CASP8: variants seen among roughly 807,000 people sequenced by gnomAD.
The protein encoded by CASP8 is caspase 8.
Under a neutral mutation model 46.3 loss-of-function variants are expected in CASP8, and 24 were observed. The observed-to-expected ratio is 0.52, with a 90% confidence interval of 0.38 to 0.73. The LOEUF is 0.73. Ranked by LOEUF, CASP8 falls within the 30% of genes least tolerant of loss-of-function variation. CASP8 has a pLI of 0.00. For synonymous variants in CASP8, 188 were observed against 200.4 expected (o/e 0.94, Z 0.52); for missense variants, 460 against 559.0 (o/e 0.82, Z 1.79).
Position 201,285,193 on chromosome 2 carries a change from C to G in CASP8, c.1180C>G (p.Pro394Ala), listed in dbSNP as rs1178910931. Reference sequence around the variant, plus strand: ...ATCATCACCTCAAACGAGATATATCCCGGATGAGGCTGACTTTCTGCTGGG... The same window carrying G: ...ATCATCACCTCAAACGAGATATATCGCGGATGAGGCTGACTTTCTGCTGGG... ...DLSSPQTRYIPDEADFLLGMA... is the reference protein window; with the variant it reads ...DLSSPQTRYIADEADFLLGMA... Residue 394 changes from proline (P) to alanine (A), a missense_variant, in exon 8 of 9, where the codon CCG becomes GCG. Transcript: ENST00000673742. 1 of 1,614,138 alleles carries G rather than the reference C, an allele frequency of 6.2e-7. No homozygotes were observed. Among genetic ancestry groups the G allele is most frequent in the Admixed American group, 1.7e-5 (1 of 60,016 alleles).
chr2:201,276,556 C>T (rs929742723), intron 6 of CASP8, among the ~76,000 whole-genome samples: 1 of 152,182 alleles, frequency 6.6e-6, no homozygotes, highest in African/African-American at 2.4e-5. Context: ...GAAATGAGAA[C>T]AAACAATAAT....
chr2:201,276,487 G>A (rs1026190480), intron 6 of CASP8, among the ~76,000 whole-genome samples: 2 of 152,180 alleles, frequency 1.3e-5, no homozygotes, highest in Non-Finnish European at 2.9e-5. Context: ...TTAATACACC[G>A]TAGTCCCTGG....
chr2:201,274,762 C>T, intron 5 of CASP8, 127 bp from the exon 6 acceptor site: 2 of 776,808 alleles, frequency 2.6e-6, no homozygotes, highest in Admixed American at 2.2e-5. Context: ...CCGGCGTGAG[C>T]CCCTGTTCCC....
intron 2 of CASP8, among the ~76,000 whole-genome samples, chr2:201,253,293 C>CT (rs34341476): frequency 0.12 from 8,037 of 67,882 alleles, 1,690 homozygotes; most frequent in Admixed American, 0.19. Flanking sequence ...CTAGCCTGAT[C>CT]TTTTTTTTTT....
In CASP8 at chr2:201,287,152, T is replaced by A. The variant is rs1446788460; in HGVS notation, c.*558T>A. 1 of 161,704 alleles carries A rather than the reference T, an allele frequency of 6.2e-6. No homozygotes were observed. Among genetic ancestry groups the A allele is most frequent in the Non-Finnish European group, 1.4e-5 (1 of 72,308 alleles). The allele number at this position is 161,704 out of a possible 1,614,324, so 10.0% of individuals were successfully genotyped here. Reference sequence around the variant, plus strand: ...AATATAGAGGGCTTATGATTCAGATTGTTATCTATCAACTATAAGCCCACT... The same window carrying A: ...AATATAGAGGGCTTATGATTCAGATAGTTATCTATCAACTATAAGCCCACT... On this transcript the variant is annotated 3_prime_UTR_variant, in exon 9 of 9. Transcript: ENST00000673742.
At chr2:201,257,174 A>G (rs1947060087), upstream of CASP8, among the ~76,000 whole-genome samples, 1 of 149,478 alleles carries the variant, frequency 6.7e-6, no homozygotes, top group African/African-American at 2.5e-5. Context: ...TGGGAAAGAG[A>G]GGCAGATGGC....
At chr2:201,252,761 C>A (rs1257578856) in intron 2 of CASP8, among the ~76,000 whole-genome samples, 1 of 152,036 alleles carries the variant, frequency 6.6e-6, no homozygotes, top group African/African-American at 2.4e-5. Context: ...ATTTTATAAC[C>A]CACCTTCTAG....
At chr2:201,267,974 T>G (rs1401550182) in intron 2 of CASP8, among the ~76,000 whole-genome samples, 1 of 152,182 alleles carries the variant, frequency 6.6e-6, no homozygotes, top group Non-Finnish European at 1.5e-5. Context: ...TCACCCAGGC[T>G]AGAGTGCAGT....
intron 2 of CASP8, among the ~76,000 whole-genome samples, chr2:201,246,297 C>A (rs3820972): frequency 0.88 from 133,467 of 152,188 alleles, 58,808 homozygotes; most frequent in Non-Finnish European, 0.91. Context: ...CTGGGTCCCC[C>A]GCCAGTCTGC....
Position 201,238,921 on chromosome 2 carries a change from G to A in CASP8, c.-27+4809G>A, listed in dbSNP as rs572487591. The stretch of plus-strand genomic sequence containing the variant: ...TAGGCAGAGGACCCTGCGGCCTTCC[G>A]CAGTGTTTGTGTCCCTGGGTACTTG... On this transcript the variant is annotated intron_variant, in intron 2 of 6. Coordinates refer to the CASP8 transcript ENST00000264274. Among the ~76,000 whole-genome samples the A allele has an allele frequency of 8.4e-3, 1,278 of 152,048 alleles. 25 individuals carry two copies. Among genetic ancestry groups the A allele is most frequent in the African/African-American group, 0.03 (1,224 of 41,460 alleles).
upstream of CASP8, among the ~76,000 whole-genome samples, chr2:201,259,638 T>C (rs1947244393): frequency 6.6e-6 from 1 of 152,158 alleles, no homozygotes; most frequent in Non-Finnish European, 1.5e-5. Flanking sequence ...AGGTGTTTGA[T>C]TTTCTTTTCC....
At chr2:201,250,512 G>C (rs1946730813) in intron 2 of CASP8, among the ~76,000 whole-genome samples, 1 of 152,250 alleles carries the variant, frequency 6.6e-6, no homozygotes. Flanking sequence ...CATGTGGCTA[G>C]AGCAGGGGAA....
intron 2 of CASP8, chr2:201,241,060 A>G (rs1374434675): frequency 6.6e-6 from 1 of 152,246 alleles, no homozygotes; most frequent in Non-Finnish European, 1.5e-5. Context: ...ACTTTATTGC[A>G]ATACACATCT....
chr2:201,260,406 TAGAA>T (rs1947303695), upstream of CASP8: 1 of 334,560 alleles, frequency 3.0e-6, no homozygotes, highest in Non-Finnish European at 4.3e-6. Context: ...CCTGCAGCTT[TAGAA>T]GCTTTAGAAG....
At position 201,273,980 on chromosome 2, in the gene CASP8, A is replaced by G. The variant is rs35198600; in HGVS notation, c.596-909A>G. Among the ~76,000 whole-genome samples, 3 of 152,348 alleles carry G rather than the reference A, an allele frequency of 2.0e-5. No individual in the cohort carries two copies. The East Asian group carries it at 5.8e-4, about 29-fold the overall frequency. On this transcript the variant is annotated intron_variant, in intron 5 of 8. Transcript: ENST00000673742. ...AATTAATAAAGTATTCTTTCTGATT[A>G]GAAAAATTATATACACTAATTGAAG...
At chr2:201,244,807 G>A (rs1416958995) in intron 2 of CASP8, among the ~76,000 whole-genome samples, 1 of 152,102 alleles carries the variant, frequency 6.6e-6, no homozygotes, top group Admixed American at 6.6e-5. Context: ...CTTTAGAAAG[G>A]AATTGAAGGG....
chr2:201,270,340 A>G (rs776802517), intron 2 of CASP8, among the ~76,000 whole-genome samples: 1 of 152,206 alleles, frequency 6.6e-6, no homozygotes, highest in Middle Eastern at 3.2e-3. Flanking sequence ...CCTTCCTATG[A>G]TGTGGTTACG....
At chr2:201,240,582 G>A (rs1946257232) in intron 2 of CASP8, 1 of 152,116 alleles carries the variant, frequency 6.6e-6, no homozygotes. Context: ...AAAAATAGTA[G>A]GAGACTTCAA....
chr2:201,263,473 G>A lies in CASP8; in HGVS notation c.-27+2860G>A, dbSNP rs773326720. On this transcript the variant is annotated intron_variant, in intron 1 of 8. Coordinates refer to ENST00000673742, the MANE Select transcript of CASP8 (RefSeq NM_001372051.1). ...CACTTATACTACAGAAATATGATGT[G>A]TTCAAATATAAGGAAAAATGTGTAT... 2.2e-4 allele frequency among the ~76,000 whole-genome samples: 34 copies of A among 152,120 alleles called. 1 individual carries two copies. The highest frequency in any genetic ancestry group is 4.4e-4 in the Non-Finnish European group (30 of 68,024).
Sources: gnomAD v4.1 joint callset for allele counts (sites outside exome capture counted in the v4.1 genomes callset) on GRCh38, gnomAD v4.1.1 for gene constraint, MANE v1.5 for transcripts, NCBI Gene and HGNC (gene_info 2026-07-23, HGNC 2026-07-21) for gene names.